The following KAZN variants were observed in gnomAD, a reference collection of about 807,000 sequenced individuals.
KAZN encodes kazrin, periplakin interacting protein.
Under a neutral mutation model 87.4 loss-of-function variants are expected in KAZN, and 40 were observed. That is an observed-to-expected ratio of 0.46 (90% CI 0.36 to 0.60). KAZN has a LOEUF of 0.60. KAZN is among the 20% of genes least tolerant of loss of function. KAZN has a pLI of 0.00. For missense variants in KAZN, 898 were observed against 1,073.9 expected (o/e 0.84, Z 2.29); for synonymous variants, 466 against 458.3 (o/e 1.02, Z -0.22).
In KAZN at chr1:15,052,311, G is replaced by T. The variant is rs186416285; in HGVS notation, c.727-3780G>T. ...AAAGGTGAAGGAGGAGCAAAGGCAC[G>T]TCTTACATGGTGGCAGGCGAGAGAG... On this transcript the variant is annotated intron_variant, in intron 4 of 14. Transcript: ENST00000376030. Among the ~76,000 whole-genome samples the T allele has an allele frequency of 2.0e-5, 3 of 152,172 alleles. No homozygotes were observed. In the South Asian group the frequency reaches 6.2e-4, roughly 32 times the overall value.
intron 1 of KAZN, among the ~76,000 whole-genome samples, chr1:14,953,356 C>T (rs1662724227): frequency 2.0e-5 from 3 of 152,246 alleles, no homozygotes; most frequent in Admixed American, 2.0e-4. Context: ...ACCCACAGAC[C>T]TTGCTCCTCT....
chr1:14,702,123 A>G (rs1358553990), intron 1 of KAZN, among the ~76,000 whole-genome samples: 2 of 152,192 alleles, frequency 1.3e-5, no homozygotes, highest in Non-Finnish European at 2.9e-5. Context: ...GCCAGAGGAC[A>G]AGAGGCAATG....
intron 2 of KAZN, among the ~76,000 whole-genome samples, chr1:14,249,474 A>G (rs2100606593): frequency 6.6e-6 from 1 of 152,330 alleles, no homozygotes; most frequent in African/African-American, 2.4e-5. Flanking sequence ...CCAGGTGTGA[A>G]TCTAGTACTA....
chr1:14,359,739 T>C, intron 2 of KAZN, among the ~76,000 whole-genome samples: 1 of 152,220 alleles, frequency 6.6e-6, no homozygotes, highest in East Asian at 1.9e-4. Context: ...AAATATCTTT[T>C]CTTTAAGAAT....
chr1:14,519,607 C>T (rs1366560033), intron 2 of KAZN, among the ~76,000 whole-genome samples: 2 of 152,086 alleles, frequency 1.3e-5, no homozygotes, highest in African/African-American at 4.8e-5. Flanking sequence ...AAGCCTAGGC[C>T]AGGGCACGAG....
chr1:14,168,963 C>T, intron 1 of KAZN, among the ~76,000 whole-genome samples: 1 of 152,146 alleles, frequency 6.6e-6, no homozygotes. Context: ...TTACCATCAC[C>T]TCCCTCTGAG....
rs185152699 is a variant in KAZN, at chr1:14,956,876, C to G, written c.227-3808C>G. ...GCCTTTTATAATCTGACCTCTCCAG[C>G]CTTCCTCCTGTTCTTCCTCACCTGG... On this transcript the variant is annotated intron_variant, in intron 1 of 14. Coordinates refer to ENST00000376030, the MANE Select transcript of KAZN (RefSeq NM_201628.3). Among the ~76,000 whole-genome samples the G allele has an allele frequency of 1.6e-3, 241 of 152,290 alleles. 1 individual carries two copies. Among genetic ancestry groups the G allele is most frequent in the Non-Finnish European group, 3.1e-3 (212 of 68,038 alleles).
At chr1:14,935,598 G>GTA (rs1424522781) in intron 1 of KAZN, among the ~76,000 whole-genome samples, 1 of 152,212 alleles carries the variant, frequency 6.6e-6, no homozygotes, top group Non-Finnish European at 1.5e-5. Context: ...CGATGCTGAT[G>GTA]TAACTATAGT....
At chr1:14,863,594 C>T (rs1651114094) in intron 1 of KAZN, among the ~76,000 whole-genome samples, 1 of 152,098 alleles carries the variant, frequency 6.6e-6, no homozygotes, top group Admixed American at 6.6e-5. Flanking sequence ...GGATTCAATT[C>T]CTAACCTTAG....
chr1:14,903,800 T>G (rs754555856), intron 1 of KAZN, among the ~76,000 whole-genome samples: 2 of 152,240 alleles, frequency 1.3e-5, no homozygotes, highest in Non-Finnish European at 2.9e-5. Context: ...GTAGGTTACA[T>G]GTATTGAATG....
chr1:14,909,984 C>T (rs978769613), intron 1 of KAZN, among the ~76,000 whole-genome samples: 2 of 152,062 alleles, frequency 1.3e-5, no homozygotes, highest in Admixed American at 6.6e-5. Flanking sequence ...ACCTGGGAGG[C>T]GGAGGTTATA....
chr1:14,345,707 T>C lies in KAZN; in HGVS notation c.249+165115T>C, dbSNP rs1658056942. 2.6e-5 allele frequency among the ~76,000 whole-genome samples: 4 copies of C among 152,144 alleles called. No homozygotes were observed. In the South Asian group the frequency reaches 8.3e-4, roughly 32 times the overall value. On this transcript the variant is annotated intron_variant, in intron 2 of 16. Coordinates refer to the KAZN transcript ENST00000636203. ...GATTATGATGTCCTTCAGTAAACAT[T>C]TGTTTTTTAAAAAAATAAAGAATAC...
intron 1 of KAZN, among the ~76,000 whole-genome samples, chr1:14,018,410 C>A (rs533250670): frequency 6.6e-6 from 1 of 152,302 alleles, no homozygotes; most frequent in South Asian, 2.1e-4. Flanking sequence ...TGTGAACTTG[C>A]TGATCTTCGC....
intron 1 of KAZN, among the ~76,000 whole-genome samples, chr1:14,867,126 T>C (rs2101042166): frequency 6.6e-6 from 1 of 152,352 alleles, no homozygotes; most frequent in East Asian, 1.9e-4. Flanking sequence ...CTACAATGCT[T>C]GGCCAAGGCC....
Position 14,294,176 on chromosome 1 carries a change from G to A in KAZN, c.249+113584G>A, listed in dbSNP as rs536499478. On this transcript the variant is annotated intron_variant, in intron 2 of 16. Transcript: ENST00000636203. ...AGAACCCGTGCATTCTGAGCCCAGG[G>A]CCAACTTCCCTAAGCATCATGCAAA... Among the ~76,000 whole-genome samples, 5 of 152,238 alleles carry A rather than the reference G, an allele frequency of 3.3e-5. No homozygotes were observed. In the South Asian group the frequency reaches 1.0e-3, roughly 32 times the overall value.
At chr1:14,886,612 A>C (rs2101131266) in intron 1 of KAZN, among the ~76,000 whole-genome samples, 1 of 152,192 alleles carries the variant, frequency 6.6e-6, no homozygotes, top group Admixed American at 6.5e-5. Context: ...ACCAACATGG[A>C]GAAACCCTGT....
intron 1 of KAZN, among the ~76,000 whole-genome samples, chr1:13,922,583 G>T (rs2100906650): frequency 1.3e-5 from 2 of 152,258 alleles, no homozygotes; most frequent in South Asian, 4.1e-4. Context: ...AGGTTTTGCT[G>T]CAGTCTGTCC....
chr1:14,195,543 A>AC (rs1553142896), intron 2 of KAZN, among the ~76,000 whole-genome samples: 2 of 149,990 alleles, frequency 1.3e-5, no homozygotes, highest in Non-Finnish European at 3.0e-5. Context: ...ACACACACAC[A>AC]ATCACTAAAC....
intron 2 of KAZN, among the ~76,000 whole-genome samples, chr1:14,542,936 C>T (rs1571897774): frequency 6.6e-6 from 1 of 151,540 alleles, no homozygotes; most frequent in Non-Finnish European, 1.5e-5. Context: ...GAAGTGGCAG[C>T]CCTGCTCTTG....
Sources: allele counts gnomAD v4.1 joint callset (sites outside exome capture counted in the v4.1 genomes callset), GRCh38; gene constraint gnomAD v4.1.1; transcripts MANE v1.5; gene names NCBI Gene and HGNC (gene_info 2026-07-23, HGNC 2026-07-21).